EHBP1: variants seen among roughly 807,000 people sequenced by gnomAD.
EHBP1 encodes the protein EH domain binding protein 1, also known as EH domain-binding protein 1.
EHBP1 carries 55 observed loss-of-function variants against 144.0 expected under a neutral mutation model. The ratio of observed to expected loss-of-function variants is 0.38; its 90% CI spans 0.31 to 0.48. The LOEUF (loss-of-function observed/expected upper bound fraction) is 0.48. Ranked by LOEUF, EHBP1 falls within the 20% of genes least tolerant of loss-of-function variation. EHBP1 has a pLI of 0.98. For synonymous variants in EHBP1, 469 were observed against 472.7 expected, an observed-to-expected ratio of 0.99 and a Z score of 0.10; for missense variants, 1,200 against 1,364.2, an observed-to-expected ratio of 0.88 and a Z score of 1.90.
chr2:62,853,502 C>T (rs950783785), intron 7 of EHBP1, among the ~76,000 whole-genome samples: 6 of 152,164 alleles, frequency 3.9e-5, no homozygotes, highest in East Asian at 3.8e-4. Context: ...AAGTCTTGAA[C>T]GTCTCAGAGT....
chr2:62,718,786 A>G (rs2035930566), intron 2 of EHBP1, among the ~76,000 whole-genome samples: 1 of 152,168 alleles, frequency 6.6e-6, no homozygotes, highest in Admixed American at 6.5e-5. Flanking sequence ...ATTTTCTTAC[A>G]GTGGTTCAGC....
intron 10 of EHBP1, among the ~76,000 whole-genome samples, chr2:62,888,614 A>G (rs1273045527): frequency 6.6e-6 from 1 of 152,220 alleles, no homozygotes; most frequent in Non-Finnish European, 1.5e-5. Context: ...CTTTAACAAT[A>G]AAGAATGGCT....
At chr2:62,771,545 GC>G (rs1417428946) in intron 5 of EHBP1, 153 bp downstream of exon 5, 6 of 543,420 alleles carry the variant, frequency 1.1e-5, no homozygotes, top group Non-Finnish European at 1.9e-5. Flanking sequence ...TGAAATGATA[GC>G]CAGTAACAAA....
chr2:62,974,496 T>G (rs144150521), intron 14 of EHBP1, among the ~76,000 whole-genome samples: 44 of 152,290 alleles, frequency 2.9e-4, no homozygotes, highest in African/African-American at 9.1e-4. Flanking sequence ...CCAAATCTCT[T>G]TCTATGCATA....
At chr2:62,743,980 G>C (rs544067948) in intron 2 of EHBP1, among the ~76,000 whole-genome samples, 16 of 152,130 alleles carry the variant, frequency 1.1e-4, no homozygotes, top group Middle Eastern at 6.8e-3. Context: ...TCAGATTTAA[G>C]ATGTTCCTTT....
intron 3 of EHBP1, among the ~76,000 whole-genome samples, chr2:62,757,426 C>CTT (rs555494268): frequency 4.9e-4 from 55 of 113,038 alleles, no homozygotes; most frequent in African/African-American, 8.6e-4. Context: ...TTTTTTTTTT[C>CTT]TTTTTTTTTT....
intron 14 of EHBP1, among the ~76,000 whole-genome samples, chr2:62,973,886 C>A (rs1342566425): frequency 5.9e-5 from 9 of 152,186 alleles, no homozygotes; most frequent in African/African-American, 2.2e-4. Context: ...GTGGTCCCAG[C>A]TACTCGGGGT....
chr2:62,735,997 G>A (rs1007466626), intron 2 of EHBP1, among the ~76,000 whole-genome samples: 1 of 151,370 alleles, frequency 6.6e-6, no homozygotes, highest in African/African-American at 2.4e-5. Flanking sequence ...AGGTTTTTTG[G>A]CCTTTATCCT....
intron 10 of EHBP1, among the ~76,000 whole-genome samples, chr2:62,879,148 A>G (rs1446657682): frequency 6.6e-6 from 1 of 152,162 alleles, no homozygotes; most frequent in Non-Finnish European, 1.5e-5. Flanking sequence ...CCTCAAAATA[A>G]TAAGAGCCGT....
intron 9 of EHBP1, 133 bp downstream of exon 9, chr2:62,865,104 T>C (rs960587388): frequency 3.9e-5 from 39 of 999,264 alleles, no homozygotes; most frequent in Middle Eastern, 2.9e-4. Context: ...ACTCGTCCAC[T>C]ATCTGAGTGT....
intron 19 of EHBP1, among the ~76,000 whole-genome samples, chr2:63,032,566 CAAAAAAAAAAAAA>C (rs35237077): frequency 1.1e-4 from 3 of 28,286 alleles, no homozygotes; most frequent in South Asian, 1.3e-3. Flanking sequence ...GACTCTGTCT[CAAAAAAAAAAAAA>C]AAAAAAAAAA....
chr2:62,674,746 T>A (rs1288865122), intron 1 of EHBP1, among the ~76,000 whole-genome samples: 1 of 152,228 alleles, frequency 6.6e-6, no homozygotes, highest in African/African-American at 2.4e-5. Context: ...ATCAGAGAAT[T>A]TTTTGAGAAA....
chr2:62,830,133 CATAT>C (rs145432325), intron 6 of EHBP1, among the ~76,000 whole-genome samples: 2 of 132,168 alleles, frequency 1.5e-5, no homozygotes. Flanking sequence ...ATATGTGGTG[CATAT>C]ATATATATAT....
intron 10 of EHBP1, among the ~76,000 whole-genome samples, chr2:62,900,589 C>G (rs1031852020): frequency 2.6e-5 from 4 of 151,234 alleles, no homozygotes; most frequent in African/African-American, 9.8e-5. Flanking sequence ...CTACTGCATT[C>G]CAGCCTGGGA....
At chr2:62,867,704 A>G (rs1322791025) in intron 9 of EHBP1, among the ~76,000 whole-genome samples, 2 of 152,196 alleles carry the variant, frequency 1.3e-5, no homozygotes, top group African/African-American at 4.8e-5. Context: ...ATAATTTGTC[A>G]GCTGTTTATA....
At chr2:62,756,733 A>G (rs1165183561) in intron 3 of EHBP1, among the ~76,000 whole-genome samples, 2 of 147,170 alleles carry the variant, frequency 1.4e-5, no homozygotes, top group Non-Finnish European at 3.0e-5. Flanking sequence ...GTGCCATTGC[A>G]CTCCAGCCTG....
At chr2:63,015,779 G>T (rs954380440) in intron 19 of EHBP1, among the ~76,000 whole-genome samples, 1 of 151,880 alleles carries the variant, frequency 6.6e-6, no homozygotes, top group East Asian at 1.9e-4. Flanking sequence ...TTACAGAACT[G>T]AAAAAAATTT....
At chr2:62,978,878 CTT>C (rs1559015217) in intron 14 of EHBP1, among the ~76,000 whole-genome samples, 2 of 152,074 alleles carry the variant, frequency 1.3e-5, no homozygotes, top group East Asian at 3.9e-4. Flanking sequence ...AGTATTGTGA[CTT>C]TTTTCTGTAA....
chr2:62,747,707 A>G (rs1391588056), intron 3 of EHBP1, among the ~76,000 whole-genome samples: 1 of 152,018 alleles, frequency 6.6e-6, no homozygotes, highest in East Asian at 1.9e-4. Flanking sequence ...CCAATGTAAT[A>G]GAATAGGTTG....
Sources: allele counts gnomAD v4.1 joint callset (sites outside exome capture counted in the v4.1 genomes callset), GRCh38; gene constraint gnomAD v4.1.1; transcripts MANE v1.5; gene names NCBI Gene and HGNC (gene_info 2026-07-23, HGNC 2026-07-21).